The following CDH18 variants were observed in gnomAD, a reference collection of about 807,000 sequenced individuals.
The protein encoded by CDH18 is cadherin-18.
Under a neutral mutation model 67.9 loss-of-function variants are expected in CDH18, and 31 were observed. The ratio of observed to expected loss-of-function variants is 0.46; its 90% CI spans 0.34 to 0.62. CDH18 has a LOEUF of 0.62. Ranked by LOEUF, CDH18 falls within the 20% of genes least tolerant of loss-of-function variation. The probability of loss-of-function intolerance (pLI) is 0.01; values close to 1 mark genes in which losing one functional copy is unlikely to be tolerated. For missense variants in CDH18, 890 were observed against 975.5 expected (o/e 0.91, Z 1.17); for synonymous variants, 362 against 347.2 (o/e 1.04, Z -0.48).
intron 5 of CDH18, among the ~76,000 whole-genome samples, chr5:19,640,297 T>C (rs752855265): frequency 2.0e-5 from 3 of 152,118 alleles, no homozygotes; most frequent in Admixed American, 6.5e-5. Flanking sequence ...ATACACAATA[T>C]AGAAAGCATC....
In CDH18 at chr5:20,018,939, C is replaced by A. The variant is rs527320480; in HGVS notation, c.-517-26925G>T. Among the ~76,000 whole-genome samples, 261 of 150,294 alleles carry A rather than the reference C, an allele frequency of 1.7e-3. 1 individual carries two copies. The highest frequency in any genetic ancestry group is 3.0e-3 in the Non-Finnish European group (204 of 67,932). On this transcript the variant is annotated intron_variant, in intron 2 of 14. Coordinates refer to the CDH18 transcript ENST00000507958. ...CCTCCCGTGTAGCTGGGACTACAGG[C>A]GCGCGCCACCATGCCCGGCTAATTT...
At chr5:19,645,110 T>C (rs965051151) in intron 5 of CDH18, among the ~76,000 whole-genome samples, 4 of 152,206 alleles carry the variant, frequency 2.6e-5, no homozygotes, top group African/African-American at 9.6e-5. Flanking sequence ...AGAGGTTGCA[T>C]GTGGTAACTA....
At chr5:19,984,664 A>C (rs1445891325) in intron 1 of CDH18, among the ~76,000 whole-genome samples, 1 of 152,164 alleles carries the variant, frequency 6.6e-6, no homozygotes, top group African/African-American at 2.4e-5. Context: ...ACAAATTGTA[A>C]GCCAGTATAA....
chr5:20,281,086 C>A (rs1432723621), intron 1 of CDH18, among the ~76,000 whole-genome samples: 1 of 151,980 alleles, frequency 6.6e-6, no homozygotes, highest in Non-Finnish European at 1.5e-5. Context: ...TGTTTGAGTT[C>A]TTTGTGGATT....
At chr5:20,028,813 T>G (rs1163595741) in intron 2 of CDH18, among the ~76,000 whole-genome samples, 1 of 151,876 alleles carries the variant, frequency 6.6e-6, no homozygotes. Context: ...TTTCTGCAAT[T>G]TGTCATTTAA....
chr5:20,427,516 CT>C (rs1255490559), intron 1 of CDH18, among the ~76,000 whole-genome samples: 3 of 151,078 alleles, frequency 2.0e-5, no homozygotes, highest in African/African-American at 7.4e-5. Context: ...AATTCTAAGA[CT>C]TTTTGTTTTC....
At chr5:20,407,402 G>C (rs1746368453) in intron 1 of CDH18, among the ~76,000 whole-genome samples, 1 of 151,886 alleles carries the variant, frequency 6.6e-6, no homozygotes, top group African/African-American at 2.4e-5. Context: ...AGAATCTCCG[G>C]CTGGGTTGGT....
chr5:20,321,346 G>A (rs10062742), intron 1 of CDH18, among the ~76,000 whole-genome samples: 123,475 of 151,862 alleles, frequency 0.81, 50,478 homozygotes, highest in African/African-American at 0.9. Flanking sequence ...ACTGGATGTA[G>A]TTAGAGTGTC....
At position 19,928,418 on chromosome 5, in the gene CDH18, G is replaced by A. The variant is rs143149824; in HGVS notation, c.-257+52642C>T. On this transcript the variant is annotated intron_variant, in intron 2 of 12. Transcript: ENST00000382275. ...ACAAAATAAAAGATGGGAATTCTAC[G>A]CATGGTCAAGATGACTTACTTTTGT... Among the ~76,000 whole-genome samples the A allele has an allele frequency of 1.2e-3, 178 of 152,146 alleles. 1 individual carries two copies. The highest frequency in any genetic ancestry group is 2.1e-3 in the Non-Finnish European group (142 of 67,998).
chr5:19,571,838 G>A lies in CDH18; in HGVS notation c.1000-6C>T. On this transcript the variant is annotated splice_polypyrimidine_tract_variant and splice_region_variant and intron_variant, in intron 7 of 12. Transcript: ENST00000382275. ...TTTTTCTCATAGTTCAGTGGCTGTG[G>A]GGAAAAAAAATAAGATTATGACTTT... 7 of 1,591,896 alleles carry A rather than the reference G, an allele frequency of 4.4e-6. No individual in the cohort carries two copies. The highest frequency in any genetic ancestry group is 6.0e-6 in the Non-Finnish European group (7 of 1,167,828).
At chr5:20,388,438 G>C (rs899458719) in intron 1 of CDH18, among the ~76,000 whole-genome samples, 1 of 151,522 alleles carries the variant, frequency 6.6e-6, no homozygotes. Flanking sequence ...TTTTTATTGC[G>C]TCTGTTTGAT....
At chr5:20,415,600 C>T (rs1747231700) in intron 1 of CDH18, among the ~76,000 whole-genome samples, 1 of 150,430 alleles carries the variant, frequency 6.6e-6, no homozygotes, top group African/African-American at 2.4e-5. Flanking sequence ...GGTGAAACTC[C>T]ACCTCTACTA....
At chr5:19,596,131 T>C (rs1360328963) in intron 6 of CDH18, among the ~76,000 whole-genome samples, 4 of 152,186 alleles carry the variant, frequency 2.6e-5, no homozygotes, top group Non-Finnish European at 5.9e-5. Context: ...GAACTGGAAC[T>C]AGAAAATAAC....
rs534445947 is a variant in CDH18 at position 19,684,818 on chromosome 5, A to G, written c.643+36529T>C. On this transcript the variant is annotated intron_variant, in intron 5 of 12. Coordinates refer to ENST00000382275, the MANE Select transcript of CDH18 (RefSeq NM_004934.5). ...ATTGAAGTTTCGAGAGGTAGATCCT[A>G]TTTTATTATAAAGCTCAAAAATGTG... is the stretch of plus-strand genomic sequence containing the variant. 9.9e-5 allele frequency among the ~76,000 whole-genome samples: 15 copies of G among 152,212 alleles called. No homozygotes were observed. In the South Asian group the frequency reaches 2.1e-3, roughly 21 times the overall value.
At chr5:19,957,978 T>C (rs1161226374) in intron 2 of CDH18, among the ~76,000 whole-genome samples, 2 of 152,078 alleles carry the variant, frequency 1.3e-5, no homozygotes, top group Non-Finnish European at 2.9e-5. Flanking sequence ...GTATAACAGA[T>C]ACAGCTGACC....
At chr5:19,621,964 G>A (rs1054203318) in intron 5 of CDH18, among the ~76,000 whole-genome samples, 1 of 152,140 alleles carries the variant, frequency 6.6e-6, no homozygotes. Flanking sequence ...ATAGAATTCT[G>A]TTGCCATGTG....
chr5:20,495,047 G>A (rs1753824745), intron 1 of CDH18, among the ~76,000 whole-genome samples: 1 of 152,158 alleles, frequency 6.6e-6, no homozygotes, highest in Admixed American at 6.6e-5. Flanking sequence ...GTACAAGGCT[G>A]TAAATTGTAC....
intron 9 of CDH18, among the ~76,000 whole-genome samples, chr5:19,528,321 C>A (rs1748062163): frequency 6.6e-6 from 1 of 151,604 alleles, no homozygotes; most frequent in African/African-American, 2.4e-5. Context: ...TAATTACAAT[C>A]ATATTTTTAA....
At chr5:20,195,376 T>C (rs1311434397) in intron 2 of CDH18, among the ~76,000 whole-genome samples, 3 of 152,078 alleles carry the variant, frequency 2.0e-5, no homozygotes, top group Non-Finnish European at 4.4e-5. Context: ...GGTATTACTT[T>C]TGTTCTCTCA....
Sources: allele counts gnomAD v4.1 joint callset (sites outside exome capture counted in the v4.1 genomes callset), GRCh38; gene constraint gnomAD v4.1.1; transcripts MANE v1.5; gene names NCBI Gene and HGNC (gene_info 2026-07-23, HGNC 2026-07-21).